Variants in ARHGEF1 observed in about 807,000 individuals in gnomAD.
ARHGEF1 encodes Rho guanine nucleotide exchange factor 1.
A neutral mutation model predicts 119.7 loss-of-function variants in ARHGEF1; 40 were observed. The ratio of observed to expected loss-of-function variants is 0.33; its 90% CI spans 0.26 to 0.44. The LOEUF is 0.44. Ranked by LOEUF, ARHGEF1 falls within the 20% of genes least tolerant of loss-of-function variation. The pLI is 1.00. For missense variants in ARHGEF1, 976 were observed against 1,268.3 expected (o/e 0.77, Z 3.50); for synonymous variants, 494 against 521.0 (o/e 0.95, Z 0.71).
chr19:41,884,493 G>A (rs1351367609), intron 1 of ARHGEF1: 1 of 1,607,450 alleles, frequency 6.2e-7, no homozygotes, highest in Non-Finnish European at 8.5e-7. Context: ...ACCTGGAGCA[G>A]GTGAGGGACG....
At chr19:41,886,880 C>T (rs2074301329) in intron 1 of ARHGEF1, among the ~76,000 whole-genome samples, 1 of 152,174 alleles carries the variant, frequency 6.6e-6, no homozygotes, top group Non-Finnish European at 1.5e-5. Flanking sequence ...CCACCCCACC[C>T]CTCTTTCCAC....
chr19:41,902,013 A>G lies in ARHGEF1; in HGVS notation c.1394A>G (p.Asp465Gly). ...EELQNIFPSL[D>G]ELIEVHSLFL... Reference sequence around the variant, plus strand: ...CTGCAGAACATCTTCCCCAGCCTGGACGAGCTCATCGAGGTGCATTGTGAG... The same window carrying G: ...CTGCAGAACATCTTCCCCAGCCTGGGCGAGCTCATCGAGGTGCATTGTGAG... Residue 465 changes from aspartate (D) to glycine (G), a missense_variant, in exon 15 of 29, where the codon GAC (aspartate) becomes GGC (glycine). By Grantham distance (94) the Asp-to-Gly change is moderately conservative. Around this residue, in one of 3 missense-constraint regions of ARHGEF1, gnomAD observed 286 missense variants for 506.8 expected, o/e 0.56. Coordinates refer to ENST00000354532, the MANE Select transcript of ARHGEF1 (RefSeq NM_004706.4). The surrounding 1 kb of genome is among the most constrained non-coding windows in gnomAD (Gnocchi z 6.5). 6.2e-7 allele frequency: 1 copy of G among 1,613,988 alleles called. No homozygotes were observed. Among genetic ancestry groups the G allele is most frequent in the Non-Finnish European group, 8.5e-7 (1 of 1,179,960 alleles).
upstream of ARHGEF1, among the ~76,000 whole-genome samples, chr19:41,920,415 C>G (rs2074834962): frequency 7.0e-6 from 1 of 142,634 alleles, no homozygotes; most frequent in Admixed American, 7.2e-5. Flanking sequence ...CACTCACAGA[C>G]ATGACACACT....
chr19:41,897,434 T>A, intron 13 of ARHGEF1: 2 of 811,682 alleles, frequency 2.5e-6, no homozygotes, highest in Non-Finnish European at 3.2e-6. Context: ...CTGTGAGGGG[T>A]GGGTGGGGAC....
Position 41,905,643 on chromosome 19 carries a change from G to C in ARHGEF1, c.2337-117G>C. On this transcript the variant is annotated intron_variant, in intron 24 of 28. Transcript: ENST00000354532. This position sits in a 1 kb window ranked among gnomAD's most constrained non-coding sequence, Gnocchi z 6.4. ...CTCTGTCTCCCTGTCTCCCGGCCTCGACCTCTGTCTCTGTCTCCGGACCTC... is the reference window on the plus strand; with the variant it reads ...CTCTGTCTCCCTGTCTCCCGGCCTCCACCTCTGTCTCTGTCTCCGGACCTC... 2 of 1,062,914 alleles carry C rather than the reference G, an allele frequency of 1.9e-6. No individual in the cohort carries two copies. The highest frequency in any genetic ancestry group is 2.8e-6 in the Non-Finnish European group (2 of 723,034). 65.8% of individuals were successfully genotyped at this position (1,062,914 alleles called of 1,614,324 possible).
rs1291510365 is a variant in ARHGEF1 at position 41,893,042 on chromosome 19, G to A, written c.614+193G>A. On this transcript the variant is annotated intron_variant, in intron 7 of 28. Coordinates refer to ENST00000354532, the MANE Select transcript of ARHGEF1 (RefSeq NM_004706.4). ...CGAGTCTTCCCTTTCCAGCTTTGGGGTTCCCTTGTCATTTCTGGGTCTTGT... is the reference window on the plus strand; with the variant it reads ...CGAGTCTTCCCTTTCCAGCTTTGGGATTCCCTTGTCATTTCTGGGTCTTGT... The A allele has an allele frequency of 4.7e-6, 5 of 1,058,618 alleles. No homozygotes were observed. In the African/African-American group the frequency reaches 6.4e-5, roughly 14 times the overall value. The allele number at this position is 1,058,618 out of a possible 1,614,324, so 65.6% of individuals were successfully genotyped here.
rs537586837 is a variant in ARHGEF1 at position 41,903,027 on chromosome 19, C to T, written c.1738+129C>T. 1.3e-6 allele frequency: 1 copy of T among 786,678 alleles called. No individual in the cohort carries two copies. The highest frequency in any genetic ancestry group is 2.0e-6 in the Non-Finnish European group (1 of 505,354). The allele number at this position is 786,678 out of a possible 1,614,324, so 48.7% of individuals were successfully genotyped here. A position where few individuals can be genotyped will look rare whatever the true frequency, so the allele number is the denominator to read the frequency against. On this transcript the variant is annotated intron_variant, in intron 18 of 28. Coordinates refer to ENST00000354532, the MANE Select transcript of ARHGEF1 (RefSeq NM_004706.4). The surrounding 1 kb of genome is among the most constrained non-coding windows in gnomAD (Gnocchi z 4.2). ...TCAACCTCCCAGGATCTACCATCCT[C>T]CCACCTCAGCTCCCCAAGTAGCTGG... is the stretch of plus-strand genomic sequence containing the variant.
rs78946090 is a variant in ARHGEF1, at chr19:41,888,510, C to T, written c.111+232C>T. 0.015 allele frequency among the ~76,000 whole-genome samples: 2,329 copies of T among 152,216 alleles called. 57 individuals carry two copies. Among genetic ancestry groups the T allele is most frequent in the African/African-American group, 0.05 (2,062 of 41,518 alleles). On this transcript the variant is annotated intron_variant, in intron 3 of 28. Transcript: ENST00000354532. This position sits in a 1 kb window ranked among gnomAD's most constrained non-coding sequence, Gnocchi z 5.1. ...TTGCTCTCTCCTCCCCCAGCATGGA[C>T]CCCAATTTCTTCTCTCCTAATTTCT...
At chr19:41,897,516 C>T (rs1320013957) in intron 13 of ARHGEF1, 1 of 299,122 alleles carries the variant, frequency 3.3e-6, no homozygotes. Context: ...GTTGCCATCC[C>T]CCTGCCTCAG....
At chr19:41,908,491 C>T, downstream of ARHGEF1, 1 of 1,231,594 alleles carries the variant, frequency 8.1e-7, no homozygotes, top group Non-Finnish European at 1.0e-6. This position sits in a 1 kb window ranked among gnomAD's most constrained non-coding sequence, Gnocchi z 6.7. Context: ...CCTCCCCCTG[C>T]CCCTGACGAG....
rs1555844878 is a variant in ARHGEF1 at position 41,884,441 on chromosome 19, G to A, written c.-20+1152G>A. 4.4e-6 allele frequency: 7 copies of A among 1,604,874 alleles called. No individual in the cohort carries two copies. In the South Asian group the frequency reaches 7.7e-5, roughly 18 times the overall value. On this transcript the variant is annotated intron_variant, in intron 1 of 28. Coordinates refer to ENST00000354532, the MANE Select transcript of ARHGEF1 (RefSeq NM_004706.4). ...GGTGGGGAGAGTGCGGAGCCCGAGC[G>A]CGGAGGCTTCGGTTCCGGTGGCGGC...
chr19:41,884,092 C>T (rs1204558696), intron 1 of ARHGEF1, among the ~76,000 whole-genome samples: 1 of 152,168 alleles, frequency 6.6e-6, no homozygotes, highest in Non-Finnish European at 1.5e-5. Context: ...GAGCCCCAGT[C>T]CGCCGTCCGA....
rs766776401 is a variant in ARHGEF1, at chr19:41,916,132, C to T, written c.1866-6960C>T. Among the ~76,000 whole-genome samples, 2 of 152,014 alleles carry T rather than the reference C, an allele frequency of 1.3e-5. No homozygotes were observed. Among genetic ancestry groups the T allele is most frequent in the Non-Finnish European group, 2.9e-5 (2 of 67,974 alleles). ...AGGCGAGGGCCCTCCTCCCTTCTCT[C>T]CCTGCCAAGCACAACCACACAGACC... On this transcript the variant is annotated intron_variant, in intron 18 of 20. Transcript: ENST00000599589. The surrounding 1 kb of genome is among the most constrained non-coding windows in gnomAD (Gnocchi z 5.4).
chr19:41,895,788 A>G (rs184277266), intron 12 of ARHGEF1, among the ~76,000 whole-genome samples: 23 of 152,066 alleles, frequency 1.5e-4, no homozygotes, highest in Non-Finnish European at 7.4e-5. Flanking sequence ...TGAGTACATG[A>G]CCAGTCCACC....
Position 41,894,199 on chromosome 19 carries a change from C to A in ARHGEF1, c.645-8C>A. The A allele has an allele frequency of 6.6e-7, 1 of 1,511,052 alleles. No individual in the cohort carries two copies. The highest frequency in any genetic ancestry group is 8.9e-7 in the Non-Finnish European group (1 of 1,126,668). The allele number at this position is 1,511,052 out of a possible 1,614,324, so 93.6% of individuals were successfully genotyped here. ...GTGTGTTGAGCCCTCACTGTCCCTTCCCTACAGTGCTGCCGTGGTCAACGC... is the reference window on the plus strand; with the variant it reads ...GTGTGTTGAGCCCTCACTGTCCCTTACCTACAGTGCTGCCGTGGTCAACGC... On this transcript the variant is annotated splice_region_variant and splice_polypyrimidine_tract_variant and intron_variant, in intron 8 of 28. Coordinates refer to ENST00000354532, the MANE Select transcript of ARHGEF1 (RefSeq NM_004706.4).
chr19:41,914,574 CGTCTCTCCCTCCCTTTCCACCATCTCT>C (rs1487785945), intron 18 of ARHGEF1, among the ~76,000 whole-genome samples: 473 of 17,936 alleles, frequency 0.026, 104 homozygotes, highest in African/African-American at 0.073. Context: ...TCTCTGTCTC[CGTCTCTCCCTCCCTTTCCACCATCTCT>C]GTCTCTCCCT....
chr19:41,929,119 A>G (rs2145918049), intron 2 of ARHGEF1: 1 of 304,790 alleles, frequency 3.3e-6, no homozygotes, highest in East Asian at 9.6e-5. Context: ...TGGAAACACA[A>G]CCGGTACACG....
At chr19:41,897,731 C>T (rs2074535328) in intron 13 of ARHGEF1, 1 of 464,688 alleles carries the variant, frequency 2.2e-6, no homozygotes, top group African/African-American at 2.0e-5. Context: ...CTCCCTGTCT[C>T]TGTCCCTGTC....
At position 41,892,243 on chromosome 19, in the gene ARHGEF1, C is replaced by G. The variant is rs532196716; in HGVS notation, c.325-88C>G. The stretch of plus-strand genomic sequence containing the variant: ...TGACCCAGGCCTTCCCCAGCACCCT[C>G]GCTTAGACCAGGGTTCCTGGCAGTC... On this transcript the variant is annotated intron_variant, in intron 5 of 28. Coordinates refer to ENST00000354532, the MANE Select transcript of ARHGEF1 (RefSeq NM_004706.4). The surrounding 1 kb of genome is among the most constrained non-coding windows in gnomAD (Gnocchi z 6.3). The G allele has an allele frequency of 5.0e-5, 79 of 1,581,902 alleles. No individual in the cohort carries two copies. The South Asian group carries it at 8.3e-4, about 17-fold the overall frequency.
Sources: gnomAD v4.1 joint callset for allele counts (sites outside exome capture counted in the v4.1 genomes callset) on GRCh38, gnomAD v4.1.1 for gene constraint, gnomAD v4.1.1 regional missense constraint, Gnocchi (gnomAD v3.1) non-coding constraint, MANE v1.5 for transcripts, NCBI Gene and HGNC (gene_info 2026-07-23, HGNC 2026-07-21) for gene names.